Variants in ST8SIA6 observed in about 807,000 individuals in gnomAD.
ST8SIA6 encodes the protein ST8 alpha-N-acetyl-neuraminide alpha-2,8-sialyltransferase 6.
Under a neutral mutation model 33.6 loss-of-function variants are expected in ST8SIA6, and 39 were observed. The observed-to-expected ratio is 1.16, with a 90% CI of 0.90 to 1.52. The LOEUF (loss-of-function observed/expected upper bound fraction) is 1.52. Among genes scored for constraint, ST8SIA6 ranks in the 40% most tolerant of loss-of-function variants. The probability of loss-of-function intolerance (pLI) is 0.00; values close to 1 mark genes in which losing one functional copy is unlikely to be tolerated. For missense variants in ST8SIA6, 441 were observed against 443.8 expected (o/e 0.99, Z 0.06); for synonymous variants, 172 against 167.2 (o/e 1.03, Z -0.22).
chr10:17,342,778 C>T (rs972617851), intron 4 of ST8SIA6, among the ~76,000 whole-genome samples: 2 of 151,770 alleles, frequency 1.3e-5, no homozygotes, highest in Non-Finnish European at 2.9e-5. Flanking sequence ...GTGAGACCCC[C>T]TCTCTACTAA....
At chr10:17,406,132 G>T (rs1851249535) in intron 2 of ST8SIA6, among the ~76,000 whole-genome samples, 1 of 152,048 alleles carries the variant, frequency 6.6e-6, no homozygotes, top group African/African-American at 2.4e-5. Context: ...AATGTTTTTT[G>T]AGCTAAAGGC....
At chr10:17,374,761 A>G (rs1390948106) in intron 3 of ST8SIA6, among the ~76,000 whole-genome samples, 1 of 141,902 alleles carries the variant, frequency 7.0e-6, no homozygotes, top group Non-Finnish European at 1.5e-5. Context: ...AAATATATAT[A>G]TATATATTTA....
intron 4 of ST8SIA6, among the ~76,000 whole-genome samples, chr10:17,347,854 G>C (rs1224578888): frequency 6.6e-6 from 1 of 151,394 alleles, no homozygotes; most frequent in Non-Finnish European, 1.5e-5. Context: ...AGAATCGGAG[G>C]CTGAGGCAGG....
chr10:17,331,778 A>G (rs998794954), intron 4 of ST8SIA6, among the ~76,000 whole-genome samples: 4 of 151,554 alleles, frequency 2.6e-5, no homozygotes, highest in Non-Finnish European at 5.9e-5. Context: ...GTTTAATCTT[A>G]TTTTGATTTC....
intron 3 of ST8SIA6, among the ~76,000 whole-genome samples, chr10:17,365,016 C>G (rs1023486306): frequency 5.9e-5 from 9 of 152,136 alleles, no homozygotes; most frequent in Non-Finnish European, 1.2e-4. Flanking sequence ...CACATTCTGG[C>G]TCTTACCAAT....
chr10:17,382,585 T>A (rs1850191815), intron 3 of ST8SIA6, among the ~76,000 whole-genome samples: 1 of 152,290 alleles, frequency 6.6e-6, no homozygotes, highest in South Asian at 2.1e-4. Context: ...GCTTTTAAAG[T>A]CCTTGTTAAC....
chr10:17,321,464 A>G (rs548029515), intron 7 of ST8SIA6, 118 bp from the exon 8 acceptor site: 8 of 765,842 alleles, frequency 1.0e-5, no homozygotes, highest in South Asian at 2.0e-5. Flanking sequence ...TATACTGTAT[A>G]TAAAACAGAT....
chr10:17,390,675 A>G, intron 2 of ST8SIA6, 55 bp from the exon 3 acceptor site: 1 of 1,417,578 alleles, frequency 7.1e-7, no homozygotes, highest in Non-Finnish European at 9.8e-7. Context: ...AGCTTATAAG[A>G]TATTGTTAAC....
chr10:17,440,063 T>C (rs1186091646), intron 2 of ST8SIA6, among the ~76,000 whole-genome samples: 2 of 152,228 alleles, frequency 1.3e-5, no homozygotes, highest in African/African-American at 4.8e-5. Context: ...GAATGGGGTA[T>C]AACTATGGGA....
intron 2 of ST8SIA6, among the ~76,000 whole-genome samples, chr10:17,431,873 T>G (rs908240727): frequency 2.6e-5 from 4 of 151,712 alleles, no homozygotes; most frequent in Non-Finnish European, 5.9e-5. Flanking sequence ...TAGGAGGAGA[T>G]AGATAAGAAC....
intron 2 of ST8SIA6, among the ~76,000 whole-genome samples, chr10:17,437,811 A>G (rs1852333751): frequency 6.6e-6 from 1 of 151,032 alleles, no homozygotes; most frequent in South Asian, 2.1e-4. Context: ...GCTCACTGCA[A>G]TCTCTGCCCC....
chr10:17,380,804 T>A (rs1012721737), intron 3 of ST8SIA6, among the ~76,000 whole-genome samples: 15 of 140,154 alleles, frequency 1.1e-4, no homozygotes, highest in South Asian at 2.3e-4. Flanking sequence ...TACATGTTTG[T>A]GTGAATGTAT....
At chr10:17,340,558 C>T (rs1848641364) in intron 4 of ST8SIA6, among the ~76,000 whole-genome samples, 1 of 152,196 alleles carries the variant, frequency 6.6e-6, no homozygotes, top group Non-Finnish European at 1.5e-5. Flanking sequence ...GAACCCCTTC[C>T]CCTCCCTTGT....
Position 17,454,078 on chromosome 10 carries a change from C to T in ST8SIA6, c.101+77G>A. 4.1e-6 allele frequency: 1 copy of T among 244,060 alleles called. No individual in the cohort carries two copies. The highest frequency in any genetic ancestry group is 7.8e-6 in the Non-Finnish European group (1 of 128,320). 15.1% of individuals were successfully genotyped at this position (244,060 alleles called of 1,614,324 possible). A position where few individuals can be genotyped will look rare whatever the true frequency, so the allele number is the denominator to read the frequency against. Reference sequence around the variant, plus strand: ...AAAAGTCTCCGCGCCCGAGGGGAAGCGATGGGCGGCTTGGGGGTCCGGGGG... The same window carrying T: ...AAAAGTCTCCGCGCCCGAGGGGAAGTGATGGGCGGCTTGGGGGTCCGGGGG... On this transcript the variant is annotated intron_variant, in intron 1 of 7. Transcript: ENST00000377602. The surrounding 1 kb of genome is among the most constrained non-coding windows in gnomAD (Gnocchi z 4.1).
At chr10:17,393,718 T>C (rs572491684) in intron 2 of ST8SIA6, among the ~76,000 whole-genome samples, 24 of 152,142 alleles carry the variant, frequency 1.6e-4, no homozygotes, top group South Asian at 4.1e-4. Context: ...TCCTAGGAGA[T>C]TGGATGTGGG....
intron 2 of ST8SIA6, among the ~76,000 whole-genome samples, chr10:17,407,084 G>C (rs753695530): frequency 2.0e-5 from 3 of 152,004 alleles, no homozygotes; most frequent in Admixed American, 6.6e-5. Context: ...GAACCACCAC[G>C]TCCGGCTACT....
chr10:17,370,050 G>A (rs995486853), intron 3 of ST8SIA6, among the ~76,000 whole-genome samples: 3 of 150,238 alleles, frequency 2.0e-5, no homozygotes, highest in East Asian at 2.0e-4. Flanking sequence ...GCATGATCTC[G>A]GCTCACTGCA....
intron 4 of ST8SIA6, among the ~76,000 whole-genome samples, chr10:17,341,900 CA>C (rs71393004): frequency 0.22 from 16,261 of 72,340 alleles, 563 homozygotes; most frequent in Middle Eastern, 0.27. Context: ...GGCTCCATCT[CA>C]AAAAAAAAAA....
intron 2 of ST8SIA6, among the ~76,000 whole-genome samples, chr10:17,398,271 G>A (rs956523175): frequency 6.6e-6 from 1 of 151,848 alleles, no homozygotes; most frequent in African/African-American, 2.4e-5. Context: ...AGGTTGCAGT[G>A]AGCCGAGATT....
Sources: allele counts gnomAD v4.1 joint callset (sites outside exome capture counted in the v4.1 genomes callset), GRCh38; gene constraint gnomAD v4.1.1; non-coding constraint Gnocchi (gnomAD v3.1); transcripts MANE v1.5; gene names NCBI Gene and HGNC (gene_info 2026-07-23, HGNC 2026-07-21).